CSMD1: variants seen among roughly 807,000 people sequenced by gnomAD.
The protein encoded by CSMD1 is CUB and sushi domain-containing protein 1.
A neutral mutation model predicts 417.5 loss-of-function variants in CSMD1; 213 were observed. That is an observed-to-expected ratio of 0.51 (90% CI 0.46 to 0.57). The LOEUF is 0.57. CSMD1 is among the 20% of genes least tolerant of loss of function. CSMD1 has a pLI of 0.00. For synonymous variants in CSMD1, 2,862 were observed against 1,736.8 expected, an observed-to-expected ratio of 1.65 and a Z score of -16.11; for missense variants, 6,923 against 4,529.7, an observed-to-expected ratio of 1.53 and a Z score of -15.17.
chr8:4,015,036 T>G (rs760313512), intron 4 of CSMD1, among the ~76,000 whole-genome samples: 6 of 152,208 alleles, frequency 3.9e-5, no homozygotes, highest in African/African-American at 7.2e-5. Context: ...AAGACTGATT[T>G]TTTTGAACAG....
chr8:3,812,934 G>A lies in CSMD1; in HGVS notation c.819-58892C>T, dbSNP rs114628601. Among the ~76,000 whole-genome samples the A allele has an allele frequency of 6.1e-3, 925 of 152,160 alleles. 9 individuals carry two copies. The highest frequency in any genetic ancestry group is 0.021 in the African/African-American group (868 of 41,484). On this transcript the variant is annotated intron_variant, in intron 5 of 69. Transcript: ENST00000635120. ...AATGTGTTTTGTCCTCTTTGATAAC[G>A]TCAGGTATCTATCATGGTAAAGGGA...
intron 1 of CSMD1, among the ~76,000 whole-genome samples, chr8:4,942,417 A>T (rs1400478209): frequency 6.6e-6 from 1 of 152,216 alleles, no homozygotes; most frequent in Admixed American, 6.5e-5. Context: ...GGAGGAATTC[A>T]CAGTTATCTA....
At chr8:4,550,578 C>A (rs1797825709) in intron 2 of CSMD1, among the ~76,000 whole-genome samples, 1 of 151,968 alleles carries the variant, frequency 6.6e-6, no homozygotes, top group Admixed American at 6.6e-5. Context: ...TTTTAAAAAC[C>A]AGAAAACACA....
chr8:4,436,831 G>A (rs1405552717), intron 2 of CSMD1, among the ~76,000 whole-genome samples: 3 of 152,082 alleles, frequency 2.0e-5, no homozygotes, highest in Admixed American at 2.0e-4. Context: ...TAGCCATGTT[G>A]GTGCAAATGA....
At chr8:4,523,828 A>G (rs1287878809) in intron 2 of CSMD1, among the ~76,000 whole-genome samples, 4 of 152,158 alleles carry the variant, frequency 2.6e-5, no homozygotes, top group Non-Finnish European at 4.4e-5. Flanking sequence ...CATGTCAACC[A>G]TACTGTTTCT....
At chr8:4,062,791 G>A (rs1021921635) in intron 3 of CSMD1, among the ~76,000 whole-genome samples, 1 of 151,610 alleles carries the variant, frequency 6.6e-6, no homozygotes, top group Non-Finnish European at 1.5e-5. Flanking sequence ...TTCAAACCCA[G>A]TATCTGTCAG....
At chr8:4,280,917 G>A (rs999397388) in intron 3 of CSMD1, among the ~76,000 whole-genome samples, 4 of 152,174 alleles carry the variant, frequency 2.6e-5, no homozygotes, top group Non-Finnish European at 4.4e-5. Flanking sequence ...AGTTGCAATT[G>A]CAAAAGTAGA....
chr8:4,890,379 C>G (rs749487049), intron 1 of CSMD1, among the ~76,000 whole-genome samples: 1 of 152,114 alleles, frequency 6.6e-6, no homozygotes, highest in East Asian at 1.9e-4. Flanking sequence ...CACTCGGGTC[C>G]TCACAGCCAT....
At chr8:4,018,231 C>A (rs1051536233) in intron 4 of CSMD1, among the ~76,000 whole-genome samples, 2 of 151,910 alleles carry the variant, frequency 1.3e-5, no homozygotes, top group Admixed American at 1.3e-4. Context: ...TTTCAGGATT[C>A]TGACTTTTTA....
At chr8:3,323,540 A>T (rs117409038) in intron 23 of CSMD1, among the ~76,000 whole-genome samples, 6,996 of 152,278 alleles carry the variant, frequency 0.046, 349 homozygotes, top group East Asian at 0.21. Context: ...AAAACCATCA[A>T]AAGAAAACTT....
rs534830822 is a variant in CSMD1 at position 3,378,753 on chromosome 8, A to G, written c.2782+8741T>C. On this transcript the variant is annotated intron_variant, in intron 18 of 69. Transcript: ENST00000635120. ...AGGTAGTGATGGAACATATCTCAAA[A>G]TAATAAGCTATTTATGACAAACCCA... Among the ~76,000 whole-genome samples, 10 of 152,314 alleles carry G rather than the reference A, an allele frequency of 6.6e-5. No homozygotes were observed. The South Asian group carries it at 1.4e-3, about 22-fold the overall frequency.
chr8:4,283,259 A>G (rs939307086), intron 3 of CSMD1, among the ~76,000 whole-genome samples: 6 of 152,174 alleles, frequency 3.9e-5, no homozygotes, highest in Non-Finnish European at 8.8e-5. Flanking sequence ...GTTTAGATGA[A>G]GACTTTTAAT....
In CSMD1 at chr8:4,182,134, C is replaced by A. The variant is rs542216444; in HGVS notation, c.416-150035G>T. Among the ~76,000 whole-genome samples the A allele has an allele frequency of 1.3e-4, 19 of 151,890 alleles. No homozygotes were observed. In the South Asian group the frequency reaches 3.7e-3, roughly 30 times the overall value. On this transcript the variant is annotated intron_variant, in intron 3 of 69. Transcript: ENST00000635120. ...AAAACTTAAACACACCAAAAGAAGA[C>A]AGAACTAAAAAAACAACATAGCACC...
chr8:3,307,664 C>CAAATCACTGAAACCAAAATAAA, intron 25 of CSMD1, 31 bp downstream of exon 25: 1 of 1,606,730 alleles, frequency 6.2e-7, no homozygotes. Context: ...TCTCTTTTCT[C>CAAATCACTGAAACCAAAATAAA]AAATCACTGA....
intron 3 of CSMD1, among the ~76,000 whole-genome samples, chr8:4,073,795 T>C (rs1311761588): frequency 6.6e-6 from 1 of 152,128 alleles, no homozygotes; most frequent in Non-Finnish European, 1.5e-5. Context: ...TTTGCTAAAT[T>C]ATTTACCTCA....
At chr8:3,410,600 G>T (rs1007803043) in intron 12 of CSMD1, among the ~76,000 whole-genome samples, 4 of 152,156 alleles carry the variant, frequency 2.6e-5, no homozygotes, top group Admixed American at 6.5e-5. Flanking sequence ...CGCCATGATT[G>T]TGAGGCCTCT....
chr8:4,657,173 G>A (rs534598725), intron 1 of CSMD1, among the ~76,000 whole-genome samples: 35 of 152,228 alleles, frequency 2.3e-4, no homozygotes, highest in Non-Finnish European at 4.7e-4. Context: ...TATGCCCAGG[G>A]CAGAATACAC....
intron 20 of CSMD1, among the ~76,000 whole-genome samples, chr8:3,360,041 G>A (rs191962301): frequency 3.6e-4 from 55 of 152,248 alleles, no homozygotes; most frequent in African/African-American, 1.1e-3. Context: ...AACGCATGAA[G>A]CATAACATAA....
At chr8:4,217,798 G>A (rs1031583533) in intron 3 of CSMD1, among the ~76,000 whole-genome samples, 1 of 152,168 alleles carries the variant, frequency 6.6e-6, no homozygotes, top group Non-Finnish European at 1.5e-5. Flanking sequence ...AGACCACAGA[G>A]TATGAGGTCG....
Sources: gnomAD v4.1 joint callset for allele counts (sites outside exome capture counted in the v4.1 genomes callset) on GRCh38, gnomAD v4.1.1 for gene constraint, MANE v1.5 for transcripts, NCBI Gene and HGNC (gene_info 2026-07-23, HGNC 2026-07-21) for gene names.